The following PLEKHA6 variants were observed in gnomAD, a reference collection of about 807,000 sequenced individuals.
The protein encoded by PLEKHA6 is pleckstrin homology domain containing A6.
A neutral mutation model predicts 116.7 loss-of-function variants in PLEKHA6; 60 were observed. The ratio of observed to expected loss-of-function variants is 0.51; its 90% confidence interval spans 0.42 to 0.64. The LOEUF (loss-of-function observed/expected upper bound fraction) is 0.64. Among genes scored for constraint, PLEKHA6 ranks in the 30% least tolerant of loss-of-function variants. PLEKHA6 has a pLI of 0.00. For synonymous variants in PLEKHA6, 489 were observed against 556.1 expected (o/e 0.88, Z 1.70); for missense variants, 1,338 against 1,422.7 (o/e 0.94, Z 0.96).
At chr1:204,253,833 C>CAAAAAAAAAAAAAA (rs5780222) in intron 9 of PLEKHA6, among the ~76,000 whole-genome samples, 2 of 131,940 alleles carry the variant, frequency 1.5e-5, no homozygotes, top group Non-Finnish European at 3.2e-5. Context: ...GATCTTGTCT[C>CAAAAAAAAAAAAAA]AAAAAAAAAA....
intron 15 of PLEKHA6, among the ~76,000 whole-genome samples, chr1:204,243,575 C>T (rs4951326): frequency 0.52 from 78,375 of 151,900 alleles, 20,852 homozygotes; most frequent in African/African-American, 0.66. Context: ...CTTTTGCTTC[C>T]ACCCACTCTC....
chr1:204,355,549 C>T (rs949750157), intron 1 of PLEKHA6, among the ~76,000 whole-genome samples: 1 of 152,200 alleles, frequency 6.6e-6, no homozygotes, highest in Non-Finnish European at 1.5e-5. Context: ...AATGGATTCT[C>T]CTGCCTCAGC....
intron 1 of PLEKHA6, among the ~76,000 whole-genome samples, chr1:204,354,168 G>C (rs1673357059): frequency 6.6e-6 from 1 of 152,178 alleles, no homozygotes; most frequent in South Asian, 2.1e-4. Context: ...GCTAAGGAGG[G>C]ACCTCACCTC....
chr1:204,283,921 C>T (rs1263704895), intron 1 of PLEKHA6, among the ~76,000 whole-genome samples: 1 of 152,176 alleles, frequency 6.6e-6, no homozygotes, highest in African/African-American at 2.4e-5. Context: ...GCACCTCACA[C>T]ACAGGGGAAC....
intron 1 of PLEKHA6, among the ~76,000 whole-genome samples, chr1:204,306,565 TTG>T (rs1558167685): frequency 6.6e-6 from 1 of 152,196 alleles, no homozygotes; most frequent in East Asian, 1.9e-4. Context: ...ATCCCTTGGG[TTG>T]GTTCAAGCTA....
chr1:204,367,170 C>A lies in PLEKHA6; in HGVS notation c.218+629G>T, dbSNP rs542918209. On this transcript the variant is annotated intron_variant, in intron 3 of 4. Transcript: ENST00000564627. Reference sequence around the variant, plus strand: ...ACCACCCCAGCCCAAAGAGCTCTGTCTTCTGCTTCCAAGATTAAGTCCAGG... The same window carrying A: ...ACCACCCCAGCCCAAAGAGCTCTGTATTCTGCTTCCAAGATTAAGTCCAGG... Among the ~76,000 whole-genome samples, 8 of 152,190 alleles carry A rather than the reference C, an allele frequency of 5.3e-5. No homozygotes were observed. The South Asian group carries it at 1.0e-3, about 20-fold the overall frequency.
At chr1:204,280,657 A>T (rs1668502964) in intron 1 of PLEKHA6, among the ~76,000 whole-genome samples, 1 of 152,138 alleles carries the variant, frequency 6.6e-6, no homozygotes. Flanking sequence ...CCAGCTAGCA[A>T]ATTCCAAGCC....
At chr1:204,336,667 C>T (rs922583122) in intron 1 of PLEKHA6, among the ~76,000 whole-genome samples, 4 of 152,102 alleles carry the variant, frequency 2.6e-5, no homozygotes, top group African/African-American at 9.7e-5. Flanking sequence ...TGCATTCTGC[C>T]CTCCTCCTCC....
At chr1:204,369,296 A>G (rs2103410144) in intron 2 of PLEKHA6, 1 of 152,356 alleles carries the variant, frequency 6.6e-6, no homozygotes, top group Middle Eastern at 3.4e-3. Context: ...AGACAGGTTC[A>G]TCAACTGGCT....
chr1:204,227,272 G>GCTCTCA (rs550323998), intron 21 of PLEKHA6, among the ~76,000 whole-genome samples: 35 of 152,234 alleles, frequency 2.3e-4, no homozygotes, highest in Non-Finnish European at 2.9e-4. Context: ...GGCCTTCAAA[G>GCTCTCA]CTCTCACTCT....
intron 15 of PLEKHA6, among the ~76,000 whole-genome samples, chr1:204,242,496 T>C (rs947276713): frequency 1.3e-5 from 2 of 152,194 alleles, no homozygotes; most frequent in African/African-American, 4.8e-5. Flanking sequence ...AAATTATACA[T>C]AGCTAAACCT....
At chr1:204,301,981 G>A (rs1479480925) in intron 1 of PLEKHA6, among the ~76,000 whole-genome samples, 2 of 152,160 alleles carry the variant, frequency 1.3e-5, no homozygotes, top group Non-Finnish European at 2.9e-5. Context: ...AGTCCATCCT[G>A]CCACCTTCAG....
chr1:204,309,703 T>A (rs1296212445), intron 1 of PLEKHA6: 1 of 913,210 alleles, frequency 1.1e-6, no homozygotes, highest in African/African-American at 1.8e-5. Context: ...GTACAAGATA[T>A]GGTAAATGAA....
Position 204,268,305 on chromosome 1 carries a change from C to T in PLEKHA6, c.110G>A (p.Arg37His), listed in dbSNP as rs778725986. 2.7e-5 allele frequency: 44 copies of T among 1,604,960 alleles called. No individual in the cohort carries two copies. Among genetic ancestry groups the T allele is most frequent in the Admixed American group, 2.7e-4 (16 of 58,624 alleles). The change falls in exon 4 of 23, where the codon CGC (arginine) becomes CAC (histidine). Residue 37 changes from arginine (R) to histidine (H), a missense_variant. Transcript: ENST00000272203. ...PPERPSVRAT[R>H]TARKAVAFGK... is the part of the protein sequence containing the mutation. ...AAAGGCGACGGCTTTGCGGGCTGTG[C>T]GAGTTGCCTGGGGGCAGAGAGAGAA...
At position 204,223,550 on chromosome 1, in the gene PLEKHA6, C is replaced by A. The variant is rs1659924870; in HGVS notation, c.3067G>T (p.Ala1023Ser). 2 of 1,318,938 alleles carry A rather than the reference C, an allele frequency of 1.5e-6. No individual in the cohort carries two copies. Among genetic ancestry groups the A allele is most frequent in the Admixed American group, 2.5e-5 (1 of 39,978 alleles). The allele number at this position is 1,318,938 out of a possible 1,614,324, so 81.7% of individuals were successfully genotyped here. The change falls in exon 22 of 23, where the codon GCT (alanine) becomes TCT (serine). Residue 1023 changes from alanine to serine, a missense_variant. By Grantham distance (99) the Ala-to-Ser change is moderately conservative. Coordinates refer to ENST00000272203, the MANE Select transcript of PLEKHA6 (RefSeq NM_014935.5). This position sits in a 1 kb window ranked among gnomAD's most constrained non-coding sequence, Gnocchi z 4.8. ...GGGTTTGCTGGAGGAGCCGGGGAAGCAGGGGAGGTGGGAGGGCTTGGGGTG... is the reference window on the plus strand; with the variant it reads ...GGGTTTGCTGGAGGAGCCGGGGAAGAAGGGGAGGTGGGAGGGCTTGGGGTG... ...CATPSPPTSP[A>S]SPAPPANPLS...
chr1:204,257,896 A>T lies in PLEKHA6; in HGVS notation c.1008-27T>A. The T allele has an allele frequency of 6.3e-7, 1 of 1,578,622 alleles. No individual in the cohort carries two copies. Among genetic ancestry groups the T allele is most frequent in the Non-Finnish European group, 8.6e-7 (1 of 1,158,200 alleles). The stretch of plus-strand genomic sequence containing the variant: ...TGAGAGAGAGGGGACATTGTAATGA[A>T]GGCAGACAACACGGGCACCCCTCCA... On this transcript the variant is annotated intron_variant, in intron 8 of 22. Transcript: ENST00000272203. The surrounding 1 kb of genome is among the most constrained non-coding windows in gnomAD (Gnocchi z 6.5).
At position 204,229,116 on chromosome 1, in the gene PLEKHA6, C is replaced by A; in HGVS notation, c.2584-12G>T. ...CGGTGGCGGCGCACCTAGGGGACAG[C>A]AGCATCGTGATTGCACCATGGCTAC... On this transcript the variant is annotated splice_polypyrimidine_tract_variant and intron_variant, in intron 18 of 22. Coordinates refer to ENST00000272203, the MANE Select transcript of PLEKHA6 (RefSeq NM_014935.5). 4 of 1,608,912 alleles carry A rather than the reference C, an allele frequency of 2.5e-6. No individual in the cohort carries two copies. The highest frequency in any genetic ancestry group is 3.4e-6 in the Non-Finnish European group (4 of 1,179,192).
chr1:204,298,266 G>A (rs1217355967), intron 1 of PLEKHA6, among the ~76,000 whole-genome samples: 2 of 152,186 alleles, frequency 1.3e-5, no homozygotes, highest in African/African-American at 2.4e-5. Context: ...AGCCCCAGAT[G>A]GAATGAGGGA....
At chr1:204,298,863 A>T (rs1300248450) in intron 1 of PLEKHA6, among the ~76,000 whole-genome samples, 1 of 152,144 alleles carries the variant, frequency 6.6e-6, no homozygotes, top group East Asian at 1.9e-4. Flanking sequence ...TCTCCAGGCA[A>T]TTCTATTGGT....
Sources: allele counts gnomAD v4.1 joint callset (sites outside exome capture counted in the v4.1 genomes callset), GRCh38; gene constraint gnomAD v4.1.1; non-coding constraint Gnocchi (gnomAD v3.1); transcripts MANE v1.5; gene names NCBI Gene and HGNC (gene_info 2026-07-23, HGNC 2026-07-21).